The following NOM1 variants were observed in gnomAD, a reference collection of about 807,000 sequenced individuals.
NOM1 encodes nucleolar protein with MIF4G domain 1, also known as nucleolar MIF4G domain-containing protein 1.
In NOM1, 58 loss-of-function variants were observed where a neutral mutation model predicts 73.3. That is an observed-to-expected ratio of 0.79 (90% CI 0.64 to 0.99). NOM1 has a LOEUF of 0.99. Ranked by LOEUF, NOM1 falls within the 50% of genes least tolerant of loss-of-function variation. The pLI, the probability that NOM1 is intolerant of heterozygous loss-of-function variation, is 0.00. For missense variants in NOM1, 1,226 were observed against 1,131.9 expected, an observed-to-expected ratio of 1.08 and a Z score of -1.19; for synonymous variants, 487 against 446.8, an observed-to-expected ratio of 1.09 and a Z score of -1.14.
intron 3 of NOM1, among the ~76,000 whole-genome samples, chr7:156,956,314 A>C (rs1419933): frequency 0.78 from 118,295 of 152,026 alleles, 46,107 homozygotes; most frequent in Admixed American, 0.85. Flanking sequence ...ACATGCTGTA[A>C]CGCGCACGGT....
intron 8 of NOM1, 53 bp from the exon 9 acceptor site, chr7:156,966,908 T>A (rs77045176): frequency 4.5e-6 from 2 of 442,214 alleles, no homozygotes; most frequent in Non-Finnish European, 6.4e-6. Context: ...TAGTGATATA[T>A]TATAGTAATT....
intron 3 of NOM1, among the ~76,000 whole-genome samples, chr7:156,956,780 T>C (rs1230864973): frequency 6.6e-6 from 1 of 152,256 alleles, no homozygotes; most frequent in Non-Finnish European, 1.5e-5. Context: ...TTTTCATGTA[T>C]GAGCATGTGG....
chr7:156,966,561 C>A (rs374132037), intron 8 of NOM1, among the ~76,000 whole-genome samples, 159 bp downstream of exon 8: 51 of 152,278 alleles, frequency 3.3e-4, no homozygotes, highest in African/African-American at 1.1e-3. Context: ...TCACTGGGAG[C>A]GGAAGTGGGA....
At position 156,971,469 on chromosome 7, in the gene NOM1, A is replaced by G. The variant is rs1366352476; in HGVS notation, c.*1766A>G. On this transcript the variant is annotated 3_prime_UTR_variant, in exon 11 of 11. Transcript: ENST00000275820. ...GTGGCACGATCATAGTTACCGCAGC[A>G]TCAAATTCCTGGACTGAAGCGGTCC... 2 of 152,244 alleles carry G rather than the reference A, an allele frequency of 1.3e-5. No homozygotes were observed. Among genetic ancestry groups the G allele is most frequent in the Non-Finnish European group, 2.9e-5 (2 of 68,072 alleles). 9.4% of individuals were successfully genotyped at this position (152,244 alleles called of 1,614,324 possible).
chr7:156,949,986 G>A lies in NOM1; in HGVS notation c.249G>A (p.Lys83=), dbSNP rs749196998. ...GCCCGGGAGGGAGAAAAAGCCGTAA[G>A]GAACTGAGGAAGGAGAAGCGGCACC... ...SFRPGGRKSR[K]ELRKEKRHLR... is the part of the protein sequence containing the mutation. The change falls in exon 1 of 11, where the codon AAG becomes AAA. Residue 83 remains lysine (K), a synonymous_variant. Transcript: ENST00000275820. 1 of 1,540,580 alleles carries A rather than the reference G, an allele frequency of 6.5e-7. No individual in the cohort carries two copies. The highest frequency in any genetic ancestry group is 1.2e-5 in the South Asian group (1 of 84,066).
chr7:156,954,427 A>G (rs1804668727), intron 3 of NOM1, 129 bp downstream of exon 3: 1 of 685,428 alleles, frequency 1.5e-6, no homozygotes, highest in Non-Finnish European at 2.3e-6. Flanking sequence ...TTGTGAATAA[A>G]TACTCTATTG....
intron 6 of NOM1, chr7:156,963,455 G>A (rs956698889): frequency 6.0e-6 from 3 of 500,602 alleles, no homozygotes; most frequent in Admixed American, 3.2e-5. Context: ...GCAGGAGTCC[G>A]TTGCTGAGAC....
At chr7:156,962,764 T>C (rs1391032442) in intron 5 of NOM1, among the ~76,000 whole-genome samples, 2 of 152,096 alleles carry the variant, frequency 1.3e-5, no homozygotes, top group Non-Finnish European at 2.9e-5. Flanking sequence ...TCTGTTACTC[T>C]CTCCTGTTGG....
chr7:156,966,162 C>T (rs962453955), intron 7 of NOM1, 108 bp from the exon 8 acceptor site: 29 of 1,398,790 alleles, frequency 2.1e-5, no homozygotes, highest in South Asian at 4.0e-5. Context: ...TTACGTGGCT[C>T]GCCTCTAACC....
intron 9 of NOM1, among the ~76,000 whole-genome samples, chr7:156,968,382 T>C (rs962328085): frequency 6.6e-6 from 1 of 152,138 alleles, no homozygotes; most frequent in Non-Finnish European, 1.5e-5. Flanking sequence ...GTTTCGACCA[T>C]GCTTTTGTGG....
rs1204418614 is a variant in NOM1 at position 156,950,696 on chromosome 7, C to T, written c.959C>T (p.Ser320Phe). Reference sequence around the variant, plus strand: ...GAAGATGAAGAAAAGAGTGAAAATTCCTCGGAGGACGGTGACATAACGGAT... The same window carrying T: ...GAAGATGAAGAAAAGAGTGAAAATTTCTCGGAGGACGGTGACATAACGGAT... ...FAEDEEKSEN[S>F]SEDGDITDKS... is the part of the protein sequence containing the mutation. Residue 320 changes from serine to phenylalanine, a missense_variant, in exon 1 of 11, where the codon TCC (serine) becomes TTC (phenylalanine). Transcript: ENST00000275820. 1.9e-6 allele frequency: 3 copies of T among 1,551,600 alleles called. No individual in the cohort carries two copies. Among genetic ancestry groups the T allele is most frequent in the South Asian group, 2.4e-5 (2 of 84,060 alleles).
intron 2 of NOM1, among the ~76,000 whole-genome samples, chr7:156,953,651 T>C (rs1005354547): frequency 6.6e-6 from 1 of 152,202 alleles, no homozygotes; most frequent in African/African-American, 2.4e-5. Flanking sequence ...CACGTACATA[T>C]GTGTGTAGTG....
chr7:156,952,058 A>C (rs115404954), intron 1 of NOM1, among the ~76,000 whole-genome samples: 1,535 of 152,274 alleles, frequency 0.01, 24 homozygotes, highest in African/African-American at 0.035. Flanking sequence ...CAAGTTTGAA[A>C]TTGTTTTTAG....
rs537032205 is a variant in NOM1, at chr7:156,969,889, A to G, written c.*186A>G. 7.7e-6 allele frequency: 4 copies of G among 522,146 alleles called. No homozygotes were observed. Among genetic ancestry groups the G allele is most frequent in the African/African-American group, 2.0e-5 (1 of 51,024 alleles). 32.3% of individuals were successfully genotyped at this position (522,146 alleles called of 1,614,324 possible). Reference sequence around the variant, plus strand: ...TTGTATTTCAAGCCATTTTCAAATAACTATCTTGGGGGTGAGAGGAGAAGG... The same window carrying G: ...TTGTATTTCAAGCCATTTTCAAATAGCTATCTTGGGGGTGAGAGGAGAAGG... On this transcript the variant is annotated 3_prime_UTR_variant, in exon 11 of 11. Transcript: ENST00000275820.
intron 8 of NOM1, among the ~76,000 whole-genome samples, chr7:156,966,626 C>T (rs1282958330): frequency 6.6e-6 from 1 of 152,168 alleles, no homozygotes; most frequent in Non-Finnish European, 1.5e-5. Flanking sequence ...CTGCTTCTGC[C>T]ACAGATGCAG....
intron 3 of NOM1, among the ~76,000 whole-genome samples, chr7:156,957,737 TGCA>T (rs1804759607): frequency 3.8e-5 from 1 of 26,286 alleles, no homozygotes; most frequent in Non-Finnish European, 7.7e-5. Flanking sequence ...ATCGCACCAC[TGCA>T]CTCCAGCCTG....
At chr7:156,954,552 T>C (rs1203053610) in intron 3 of NOM1, among the ~76,000 whole-genome samples, 2 of 127,882 alleles carry the variant, frequency 1.6e-5, no homozygotes, top group East Asian at 4.5e-4. Flanking sequence ...TGAGACAGGG[T>C]CTCGCTCTGT....
rs182272208 is a variant in NOM1 at position 156,950,816 on chromosome 7, G to C, written c.987+92G>C. 3.3e-5 allele frequency: 38 copies of C among 1,157,208 alleles called. 1 individual carries two copies. The Admixed American group carries it at 9.0e-4, about 27-fold the overall frequency. 71.7% of individuals were successfully genotyped at this position (1,157,208 alleles called of 1,614,324 possible). A position where few individuals can be genotyped will look rare whatever the true frequency, so the allele number is the denominator to read the frequency against. ...GTGAGGCAGAAATGACACAGACTTG[G>C]TGTCTTGATAATGGTTTCAGCTGAA... On this transcript the variant is annotated intron_variant, in intron 1 of 10. Transcript: ENST00000275820.
intron 2 of NOM1, among the ~76,000 whole-genome samples, chr7:156,953,689 C>G (rs193105666): frequency 6.6e-5 from 10 of 152,310 alleles, no homozygotes; most frequent in Admixed American, 1.3e-4. Flanking sequence ...AACAGAGCAG[C>G]CTTTTCTAGT....
Sources: allele counts gnomAD v4.1 joint callset (sites outside exome capture counted in the v4.1 genomes callset), GRCh38; gene constraint gnomAD v4.1.1; transcripts MANE v1.5; gene names NCBI Gene and HGNC (gene_info 2026-07-23, HGNC 2026-07-21).